Variants in LY75 observed in about 807,000 individuals in gnomAD.
LY75 encodes the protein C-type lectin domain family 13 member B.
A neutral mutation model predicts 231.7 loss-of-function variants in LY75; 185 were observed. The observed-to-expected ratio is 0.80, with a 90% CI of 0.71 to 0.90. The LOEUF (loss-of-function observed/expected upper bound fraction) is 0.90. Ranked by LOEUF, LY75 falls within the 40% of genes least tolerant of loss-of-function variation. LY75 has a pLI of 0.00. For missense variants in LY75, 1,947 were observed against 2,050.2 expected (o/e 0.95, Z 0.97); for synonymous variants, 668 against 689.0 (o/e 0.97, Z 0.48).
chr2:159,858,765 C>T (rs1480665410), intron 15 of LY75, among the ~76,000 whole-genome samples: 1 of 152,198 alleles, frequency 6.6e-6, no homozygotes, highest in Non-Finnish European at 1.5e-5. Context: ...TCAGAGGTAT[C>T]CAAGCACCAA....
chr2:159,815,282 C>A (rs888142810), intron 31 of LY75, 123 bp downstream of exon 31: 6 of 1,270,056 alleles, frequency 4.7e-6, no homozygotes, highest in Non-Finnish European at 5.2e-6. Flanking sequence ...ATTACAGGCG[C>A]GAGCCACTGC....
At position 159,883,283 on chromosome 2, in the gene LY75, A is replaced by T. The variant is rs187726336; in HGVS notation, c.1055-968T>A. Among the ~76,000 whole-genome samples, 737 of 144,130 alleles carry T rather than the reference A, an allele frequency of 5.1e-3. 7 individuals are homozygous for T. The highest frequency in any genetic ancestry group is 0.018 in the African/African-American group (688 of 37,494). The allele number at this position is 144,130 out of a possible 152,430, so 94.6% of individuals were successfully genotyped here. ...GTACCCTAAAACTTAAAGTATAATT[A>T]AAAAAAAAAAGAAAAAAAAATGTGG... On this transcript the variant is annotated intron_variant, in intron 6 of 34. Transcript: ENST00000263636.
intron 9 of LY75, 59 bp downstream of exon 9, chr2:159,879,200 A>T (rs190623668): frequency 2.0e-4 from 316 of 1,567,296 alleles, no homozygotes; most frequent in Non-Finnish European, 2.6e-4. Context: ...CTCAGCTACC[A>T]TTTCTAACCA....
chr2:159,897,479 C>A (rs112048407), intron 2 of LY75, among the ~76,000 whole-genome samples: 5 of 148,496 alleles, frequency 3.4e-5, no homozygotes, highest in African/African-American at 9.7e-5. Context: ...GAAAAGGAAA[C>A]CCTATCTCTA....
intron 28 of LY75, among the ~76,000 whole-genome samples, chr2:159,828,576 A>T (rs1426549442): frequency 6.6e-6 from 1 of 152,214 alleles, no homozygotes; most frequent in Non-Finnish European, 1.5e-5. Context: ...TTGGAAAACA[A>T]CCTGGTAGTT....
chr2:159,835,276 C>T (rs576314279), intron 26 of LY75, among the ~76,000 whole-genome samples: 1 of 152,028 alleles, frequency 6.6e-6, no homozygotes, highest in East Asian at 1.9e-4. Flanking sequence ...ATAAAACATG[C>T]CTAAAATGAC....
intron 17 of LY75, 138 bp from the exon 18 acceptor site, chr2:159,854,673 AG>A: frequency 8.4e-7 from 1 of 1,191,442 alleles, no homozygotes; most frequent in Non-Finnish European, 1.2e-6. Context: ...ACTGACTACA[AG>A]GAACAAGAGA....
In LY75 at chr2:159,850,392, G is replaced by C; in HGVS notation, c.2959C>G (p.Leu987Val). 2 of 1,613,666 alleles carry C rather than the reference G, an allele frequency of 1.2e-6. No individual in the cohort carries two copies. Among genetic ancestry groups the C allele is most frequent in the East Asian group, 2.2e-5 (1 of 44,856 alleles). Residue 987 changes from leucine (L) to valine (V), a missense_variant, in exon 22 of 35, where the codon CTT becomes GTT. Physicochemically the swap from Leu to Val is conservative, Grantham distance 32 (BLOSUM62 1). Coordinates refer to ENST00000263636, the MANE Select transcript of LY75 (RefSeq NM_002349.4). ...TCAATCTGGCTCAACACTGAAGGAAGGGTGCCACCATAGGAGTGACAGGTA... is the reference window on the plus strand; with the variant it reads ...TCAATCTGGCTCAACACTGAAGGAACGGTGCCACCATAGGAGTGACAGGTA... Reference protein sequence around the residue: ...SDTCHSYGGTLPSVLSQIEQD... With the variant: ...SDTCHSYGGTVPSVLSQIEQD...
At chr2:159,853,603 A>C in intron 19 of LY75, 27 bp downstream of exon 19, 2 of 1,613,092 alleles carry the variant, frequency 1.2e-6, no homozygotes, top group Non-Finnish European at 8.5e-7. Context: ...ATAACTTTAC[A>C]AAGGTAGAAT....
chr2:159,866,599 G>A (rs563106528), intron 13 of LY75, among the ~76,000 whole-genome samples: 2 of 152,228 alleles, frequency 1.3e-5, no homozygotes, highest in East Asian at 1.9e-4. Context: ...ACAGGCTTCC[G>A]AGTGTATCAT....
At chr2:159,826,367 G>A (rs1449799522) in intron 28 of LY75, among the ~76,000 whole-genome samples, 1 of 152,074 alleles carries the variant, frequency 6.6e-6, no homozygotes, top group Non-Finnish European at 1.5e-5. Flanking sequence ...CTGTTACAAA[G>A]AGAATAAAAT....
At chr2:159,808,651 TA>T in intron 32 of LY75, 80 bp from the exon 33 acceptor site, 1 of 1,542,610 alleles carries the variant, frequency 6.5e-7, no homozygotes, top group Non-Finnish European at 8.7e-7. Context: ...ATTTGAAAAA[TA>T]CATATATTAT....
intron 24 of LY75, among the ~76,000 whole-genome samples, 184 bp from the exon 25 acceptor site, chr2:159,841,139 T>C (rs1403633849): frequency 6.6e-6 from 1 of 152,242 alleles, no homozygotes; most frequent in Non-Finnish European, 1.5e-5. Context: ...ATGTGTGAGC[T>C]GCAACATTTG....
At chr2:159,834,832 C>T (rs547774423) in intron 26 of LY75, among the ~76,000 whole-genome samples, 2 of 152,336 alleles carry the variant, frequency 1.3e-5, no homozygotes, top group South Asian at 4.1e-4. Flanking sequence ...CTCAGTATCT[C>T]TCCTGGATCA....
intron 25 of LY75, 42 bp from the exon 26 acceptor site, chr2:159,835,687 T>G: frequency 6.3e-7 from 1 of 1,596,734 alleles, no homozygotes; most frequent in African/African-American, 1.3e-5. Context: ...AATATTGATG[T>G]TAACCCTTTG....
chr2:159,807,302 G>T (rs190637855), intron 33 of LY75, among the ~76,000 whole-genome samples, 162 bp from the exon 34 acceptor site: 2 of 152,338 alleles, frequency 1.3e-5, no homozygotes, highest in East Asian at 3.9e-4. Context: ...TTCTTCAGTT[G>T]CACTAGTCAC....
chr2:159,879,416 C>T (rs759975778), intron 8 of LY75, 47 bp from the exon 9 acceptor site: 21 of 1,607,970 alleles, frequency 1.3e-5, no homozygotes, highest in South Asian at 7.7e-5. Context: ...AATTATTTAC[C>T]GCATATTCAG....
At chr2:159,877,597 C>G (rs1357551807) in intron 11 of LY75, among the ~76,000 whole-genome samples, 1 of 152,138 alleles carries the variant, frequency 6.6e-6, no homozygotes, top group Admixed American at 6.6e-5. Flanking sequence ...AAGCCAGGCA[C>G]AGTGGCTCAC....
In LY75 at chr2:159,858,428, C is replaced by G; in HGVS notation, c.2317G>C (p.Glu773Gln). The change falls in exon 16 of 35, where the codon GAA (glutamate) becomes CAA (glutamine). Residue 773 changes from glutamate to glutamine, a missense_variant. Transcript: ENST00000263636. ...GCAAAAGGCCTCAAATAAATAAATT[C>G]TCTATCATCATAGAAATGCCAGCCT... ...RRGWHFYDDREFIYLRPFACD... is the reference protein window; with the variant it reads ...RRGWHFYDDRQFIYLRPFACD... 6.2e-7 allele frequency: 1 copy of G among 1,613,608 alleles called. No homozygotes were observed. The highest frequency in any genetic ancestry group is 1.7e-5 in the Admixed American group (1 of 59,962).
Sources: allele counts gnomAD v4.1 joint callset (sites outside exome capture counted in the v4.1 genomes callset), GRCh38; gene constraint gnomAD v4.1.1; transcripts MANE v1.5; gene names NCBI Gene and HGNC (gene_info 2026-07-23, HGNC 2026-07-21).